The following OPCML variants were observed in gnomAD, a reference collection of about 807,000 sequenced individuals.
OPCML encodes the protein opioid binding protein/cell adhesion molecule like.
A neutral mutation model predicts 37.8 loss-of-function variants in OPCML; 13 were observed. That is an observed-to-expected ratio of 0.34 (90% confidence interval 0.22 to 0.55). The LOEUF (loss-of-function observed/expected upper bound fraction) is 0.55. Among genes scored for constraint, OPCML ranks in the 20% least tolerant of loss-of-function variants. The pLI, the probability that OPCML is intolerant of heterozygous loss-of-function variation, is 0.91. For missense variants in OPCML, 341 were observed against 435.6 expected (o/e 0.78, Z 1.93); for synonymous variants, 176 against 168.8 (o/e 1.04, Z -0.33).
At chr11:133,503,504 T>C (rs536971651) in intron 1 of OPCML, among the ~76,000 whole-genome samples, 14 of 152,324 alleles carry the variant, frequency 9.2e-5, no homozygotes, top group African/African-American at 3.1e-4. Context: ...CACTAATTGC[T>C]CTACAGAGTG....
intron 1 of OPCML, among the ~76,000 whole-genome samples, chr11:133,324,753 C>T (rs1385854645): frequency 7.2e-5 from 11 of 152,110 alleles, no homozygotes. Context: ...TTCAAAAGGA[C>T]ATCAATGCCA....
intron 3 of OPCML, among the ~76,000 whole-genome samples, chr11:132,533,841 C>T (rs1372695161): frequency 1.3e-5 from 2 of 152,154 alleles, no homozygotes; most frequent in East Asian, 1.9e-4. Flanking sequence ...ATTTGTGATG[C>T]CTGAATTGCT....
At chr11:132,685,269 A>C (rs1784526) in intron 2 of OPCML, among the ~76,000 whole-genome samples, 24,056 of 152,178 alleles carry the variant, frequency 0.16, 2,579 homozygotes, top group African/African-American at 0.3. Flanking sequence ...GTATGATGTC[A>C]GTCTTAGTTG....
chr11:132,453,234 A>T (rs2096073060), intron 4 of OPCML, among the ~76,000 whole-genome samples: 1 of 152,204 alleles, frequency 6.6e-6, no homozygotes, highest in South Asian at 2.1e-4. Context: ...GTCTAGAGAC[A>T]GTTTTGGTCT....
At chr11:132,446,087 T>C (rs934976888) in intron 4 of OPCML, among the ~76,000 whole-genome samples, 1 of 147,750 alleles carries the variant, frequency 6.8e-6, no homozygotes, top group African/African-American at 2.5e-5. Context: ...TGTGTTTAGC[T>C]TGGCTCTGCT....
intron 2 of OPCML, among the ~76,000 whole-genome samples, chr11:132,663,632 C>T (rs1374668918): frequency 1.3e-5 from 2 of 152,152 alleles, no homozygotes; most frequent in South Asian, 2.1e-4. Flanking sequence ...TTGTCAGTGA[C>T]GCCTTCCTAC....
intron 3 of OPCML, among the ~76,000 whole-genome samples, chr11:132,648,153 C>A (rs571004907): frequency 6.6e-6 from 1 of 152,122 alleles, no homozygotes; most frequent in Non-Finnish European, 1.5e-5. Context: ...ACTAATCTTG[C>A]GGGTGGTGAG....
chr11:132,726,248 G>A (rs774466620), intron 2 of OPCML, among the ~76,000 whole-genome samples: 1 of 152,162 alleles, frequency 6.6e-6, no homozygotes, highest in Non-Finnish European at 1.5e-5. Flanking sequence ...CACATGGCTG[G>A]GGAGGCTTCA....
chr11:132,581,721 C>CT (rs1213721559), intron 3 of OPCML, among the ~76,000 whole-genome samples: 2 of 152,036 alleles, frequency 1.3e-5, no homozygotes, highest in African/African-American at 4.8e-5. Flanking sequence ...GTAGAGAAAA[C>CT]TTTTTCCTTT....
intron 1 of OPCML, among the ~76,000 whole-genome samples, chr11:133,531,083 A>G (rs769570779): frequency 7.9e-5 from 12 of 152,154 alleles, no homozygotes; most frequent in African/African-American, 2.4e-4. Context: ...ATTTATCTCA[A>G]TTTGGGGGAA....
intron 2 of OPCML, among the ~76,000 whole-genome samples, chr11:132,886,371 A>G (rs900912838): frequency 6.6e-6 from 1 of 152,148 alleles, no homozygotes; most frequent in African/African-American, 2.4e-5. Flanking sequence ...CCCCTGTTCT[A>G]TGATGCCTGG....
chr11:133,063,102 G>T (rs1272385222), intron 1 of OPCML, among the ~76,000 whole-genome samples: 1 of 152,238 alleles, frequency 6.6e-6, no homozygotes, highest in East Asian at 1.9e-4. Context: ...CTACCGGTCA[G>T]TCCAGAGACC....
chr11:133,040,535 T>A (rs1436965703), intron 1 of OPCML, among the ~76,000 whole-genome samples: 1 of 152,120 alleles, frequency 6.6e-6, no homozygotes, highest in Non-Finnish European at 1.5e-5. Flanking sequence ...TGCATGCATG[T>A]GTCAGGAGGA....
At chr11:132,790,271 A>G (rs573666729) in intron 2 of OPCML, among the ~76,000 whole-genome samples, 8 of 152,212 alleles carry the variant, frequency 5.3e-5, no homozygotes, top group Non-Finnish European at 1.0e-4. Flanking sequence ...CAGTCAGATA[A>G]AAACAATAGG....
intron 4 of OPCML, among the ~76,000 whole-genome samples, chr11:132,437,712 G>C (rs2096017965): frequency 1.3e-5 from 2 of 152,112 alleles, no homozygotes; most frequent in African/African-American, 2.4e-5. Context: ...AAAAAGAACT[G>C]TCATGATCAA....
intron 1 of OPCML, among the ~76,000 whole-genome samples, chr11:133,210,140 G>T (rs1327705327): frequency 6.6e-6 from 1 of 152,178 alleles, no homozygotes; most frequent in Non-Finnish European, 1.5e-5. Context: ...ATTTGGCTGG[G>T]CTGTCACTCA....
intron 3 of OPCML, among the ~76,000 whole-genome samples, chr11:132,647,330 A>T (rs1285030250): frequency 6.6e-6 from 1 of 152,158 alleles, no homozygotes; most frequent in Non-Finnish European, 1.5e-5. Context: ...ATAGAATCTG[A>T]TAATGTTTAT....
chr11:133,096,662 G>C (rs1949008339), intron 1 of OPCML, among the ~76,000 whole-genome samples: 1 of 151,850 alleles, frequency 6.6e-6, no homozygotes, highest in African/African-American at 2.4e-5. Context: ...ATATTATATA[G>C]ATAAAAAGTA....
At chr11:133,241,704 A>G (rs1481176674) in intron 1 of OPCML, among the ~76,000 whole-genome samples, 1 of 152,098 alleles carries the variant, frequency 6.6e-6, no homozygotes, top group Non-Finnish European at 1.5e-5. Context: ...TTGGAGGTAC[A>G]TTTTCCCAAG....
Sources: allele counts gnomAD v4.1 joint callset (sites outside exome capture counted in the v4.1 genomes callset), GRCh38; gene constraint gnomAD v4.1.1; transcripts MANE v1.5; gene names NCBI Gene and HGNC (gene_info 2026-07-23, HGNC 2026-07-21).